PSD3: variants seen among roughly 807,000 people sequenced by gnomAD.
PSD3 encodes the protein PH and SEC7 domain-containing protein 3.
Under a neutral mutation model 105.5 loss-of-function variants are expected in PSD3, and 49 were observed. The observed-to-expected ratio is 0.46, with a 90% CI of 0.37 to 0.59. PSD3 has a LOEUF of 0.59. Ranked by LOEUF, PSD3 falls within the 20% of genes least tolerant of loss-of-function variation. PSD3 has a pLI of 0.00. For synonymous variants in PSD3, 557 were observed against 457.8 expected (o/e 1.22, Z -2.77); for missense variants, 1,561 against 1,263.8 (o/e 1.24, Z -3.57).
chr8:18,743,739 C>G (rs1003929947), intron 9 of PSD3, among the ~76,000 whole-genome samples: 4 of 147,554 alleles, frequency 2.7e-5, no homozygotes, highest in Non-Finnish European at 5.9e-5. Flanking sequence ...GAATTTGAGA[C>G]CAATCTGGGC....
chr8:18,623,149 T>A (rs1264456922), intron 11 of PSD3, among the ~76,000 whole-genome samples: 1 of 152,092 alleles, frequency 6.6e-6, no homozygotes, highest in Non-Finnish European at 1.5e-5. Flanking sequence ...CCTTCCAAAA[T>A]GCTGGGATTA....
intron 4 of PSD3, among the ~76,000 whole-genome samples, chr8:18,808,031 C>T (rs1811351592): frequency 1.3e-5 from 2 of 152,194 alleles, no homozygotes; most frequent in Non-Finnish European, 2.9e-5. Flanking sequence ...TCATTATCGA[C>T]AGTATAACCT....
chr8:18,877,268 C>T (rs572842244), intron 2 of PSD3, among the ~76,000 whole-genome samples: 18 of 152,288 alleles, frequency 1.2e-4, no homozygotes, highest in East Asian at 7.7e-4. Flanking sequence ...ATTACTTTTA[C>T]GTTGTCTTCT....
chr8:18,538,349 T>C (rs943065470), intron 15 of PSD3, among the ~76,000 whole-genome samples: 1 of 152,142 alleles, frequency 6.6e-6, no homozygotes, highest in Non-Finnish European at 1.5e-5. Flanking sequence ...TAGTAAAAAA[T>C]GTCATCAGTA....
intron 9 of PSD3, chr8:18,734,258 A>G (rs1803986404): frequency 6.6e-6 from 1 of 152,196 alleles, no homozygotes; most frequent in Non-Finnish European, 1.5e-5. Context: ...CTTCATCTAT[A>G]AAAATATGGA....
intron 1 of PSD3, among the ~76,000 whole-genome samples, chr8:18,969,755 G>A (rs902670026): frequency 6.6e-6 from 1 of 151,994 alleles, no homozygotes; most frequent in Non-Finnish European, 1.5e-5. Context: ...TAAACCCAAG[G>A]ATCTTTCAAA....
intron 1 of PSD3, among the ~76,000 whole-genome samples, chr8:19,074,373 T>C (rs1040847617): frequency 4.0e-5 from 6 of 151,870 alleles, no homozygotes; most frequent in African/African-American, 1.5e-4. Flanking sequence ...GTCCGGGGGG[T>C]GCCACAACTC....
intron 4 of PSD3, among the ~76,000 whole-genome samples, chr8:18,856,089 G>C (rs1228899672): frequency 6.6e-6 from 1 of 152,064 alleles, no homozygotes; most frequent in Non-Finnish European, 1.5e-5. Flanking sequence ...CCATAGTTCA[G>C]CTCCTTCTCT....
At chr8:18,882,300 A>C (rs58175815) in intron 2 of PSD3, among the ~76,000 whole-genome samples, 2,669 of 152,266 alleles carry the variant, frequency 0.018, 97 homozygotes, top group African/African-American at 0.062. Flanking sequence ...TGTTAGTGTC[A>C]CCCAAGTCCT....
chr8:18,759,602 G>C (rs1463172470), intron 9 of PSD3, among the ~76,000 whole-genome samples: 2 of 152,068 alleles, frequency 1.3e-5, no homozygotes, highest in Non-Finnish European at 2.9e-5. Context: ...ACAATGACTG[G>C]AATAAAAATA....
chr8:18,868,558 G>GAGC (rs1300396812), intron 3 of PSD3, among the ~76,000 whole-genome samples: 1 of 151,980 alleles, frequency 6.6e-6, no homozygotes, highest in Non-Finnish European at 1.5e-5. Flanking sequence ...CAGAAGCCAA[G>GAGC]AGCTGCCCCC....
intron 9 of PSD3, among the ~76,000 whole-genome samples, chr8:18,735,355 T>C (rs1415846157): frequency 2.0e-5 from 3 of 152,178 alleles, no homozygotes; most frequent in African/African-American, 7.2e-5. Context: ...GAAGTAATCT[T>C]CAATTATCAG....
chr8:18,734,550 AT>A (rs1804005411), intron 9 of PSD3: 1 of 152,114 alleles, frequency 6.6e-6, no homozygotes, highest in South Asian at 2.1e-4. Flanking sequence ...TAGGTTCTCC[AT>A]TTCATTTATT....
intron 9 of PSD3, among the ~76,000 whole-genome samples, chr8:18,672,807 T>A (rs1799857287): frequency 6.6e-6 from 1 of 152,174 alleles, no homozygotes; most frequent in Non-Finnish European, 1.5e-5. Context: ...GAGTATAAAG[T>A]CTTGGAAGAG....
chr8:18,617,546 A>G (rs766671514), intron 11 of PSD3, among the ~76,000 whole-genome samples: 6 of 152,180 alleles, frequency 3.9e-5, no homozygotes, highest in Non-Finnish European at 8.8e-5. Context: ...ACAAACAAAC[A>G]AAACTCTTAT....
intron 1 of PSD3, among the ~76,000 whole-genome samples, chr8:19,049,255 G>C (rs1211046001): frequency 2.0e-5 from 3 of 152,180 alleles, no homozygotes; most frequent in Non-Finnish European, 2.9e-5. Flanking sequence ...GTGATATCTT[G>C]CAAGGTGGAG....
At chr8:18,804,446 C>A (rs576448766) in intron 6 of PSD3, 76 bp downstream of exon 6, 52 of 1,261,914 alleles carry the variant, frequency 4.1e-5, no homozygotes, top group Non-Finnish European at 5.4e-5. Context: ...AAGATTCTAG[C>A]TAGAAGACAT....
intron 9 of PSD3, among the ~76,000 whole-genome samples, chr8:18,703,073 G>C (rs1192093332): frequency 6.6e-6 from 1 of 152,022 alleles, no homozygotes; most frequent in Non-Finnish European, 1.5e-5. Flanking sequence ...CTAATGGGAG[G>C]AACTCTCCTT....
chr8:18,995,276 C>T (rs918618825), intron 1 of PSD3, among the ~76,000 whole-genome samples: 2 of 152,120 alleles, frequency 1.3e-5, no homozygotes, highest in Admixed American at 1.3e-4. Context: ...GCCTTCCCTA[C>T]ATAATGCAAA....
Sources: allele counts gnomAD v4.1 joint callset (sites outside exome capture counted in the v4.1 genomes callset), GRCh38; gene constraint gnomAD v4.1.1; transcripts MANE v1.5; gene names NCBI Gene and HGNC (gene_info 2026-07-23, HGNC 2026-07-21).